The following ODAD3 variants were observed in gnomAD, a reference collection of about 807,000 sequenced individuals.
ODAD3 encodes the protein outer dynein arm-docking complex subunit 3.
ODAD3 carries 57 observed loss-of-function variants against 70.9 expected under a neutral mutation model. That is an observed-to-expected ratio of 0.80 (90% CI 0.65 to 1.00). The LOEUF is 1.00. ODAD3 is among the 50% of genes least tolerant of loss of function. The pLI is 0.00. For missense variants in ODAD3, 797 were observed against 763.9 expected, an observed-to-expected ratio of 1.04 and a Z score of -0.51; for synonymous variants, 327 against 315.9, an observed-to-expected ratio of 1.04 and a Z score of -0.37.
chr19:11,434,698 T>A (rs1568356400), intron 1 of ODAD3, 75 bp downstream of exon 1: 1 of 1,515,830 alleles, frequency 6.6e-7, no homozygotes, highest in Admixed American at 2.1e-5. Flanking sequence ...GCTGGAGAAA[T>A]ACCTTTGTCA....
intron 7 of ODAD3, among the ~76,000 whole-genome samples, chr19:11,425,289 A>ATG (rs528998105): frequency 7.1e-6 from 1 of 140,960 alleles, no homozygotes; most frequent in Non-Finnish European, 1.5e-5. Context: ...ATATGTACAT[A>ATG]TGTGTATATA....
intron 7 of ODAD3, among the ~76,000 whole-genome samples, chr19:11,425,143 GTACATA>G (rs201428818): frequency 2.4e-5 from 3 of 124,634 alleles, no homozygotes; most frequent in African/African-American, 1.2e-4. Flanking sequence ...ATGTGTATAT[GTACATA>G]TGTATATATA....
chr19:11,425,218 T>TATATAC (rs1469189937), intron 7 of ODAD3, among the ~76,000 whole-genome samples: 35 of 124,796 alleles, frequency 2.8e-4, no homozygotes, highest in Admixed American at 2.1e-3. Context: ...CATATGTGTA[T>TATATAC]ATATGTGTGT....
chr19:11,425,149 A>ATG lies in ODAD3; in HGVS notation c.963+993_963+994dup, dbSNP rs1381341733. ...TATGTGTATATGTGTATATGTACAT[A>ATG]TGTATATATACATATGTGTATATGT... On this transcript the variant is annotated intron_variant, in intron 7 of 12. Coordinates refer to ENST00000356392, the MANE Select transcript of ODAD3 (RefSeq NM_145045.5). 2.2e-3 allele frequency among the ~76,000 whole-genome samples: 262 copies of ATG among 117,824 alleles called. 17 individuals are homozygous for ATG. The highest frequency in any genetic ancestry group is 0.015 in the Admixed American group (199 of 12,994). 77.3% of individuals were successfully genotyped at this position (117,824 alleles called of 152,430 possible).
chr19:11,433,945 G>A lies in ODAD3; in HGVS notation c.244+828C>T, dbSNP rs117985305. Among the ~76,000 whole-genome samples the A allele has an allele frequency of 6.7e-3, 1,016 of 151,872 alleles. 8 individuals are homozygous for A. Among genetic ancestry groups the A allele is most frequent in the Non-Finnish European group, 0.011 (749 of 67,938 alleles). On this transcript the variant is annotated intron_variant, in intron 1 of 12. Transcript: ENST00000356392. ...CTGTCAGAAAGAAAGAAGGCTGGGCGCGGTGGCTCACACATGTAATCCCAG... is the reference window on the plus strand; with the variant it reads ...CTGTCAGAAAGAAAGAAGGCTGGGCACGGTGGCTCACACATGTAATCCCAG...
Position 11,420,708 on chromosome 19 carries a change from GC to G in ODAD3, c.*126del. ...CCCGGCCCCTTCCTCCCCTCCGGGCGCCGCTGGCCGCCTCCGTTCCCGGTCC... is the reference window on the plus strand; with the variant it reads ...CCCGGCCCCTTCCTCCCCTCCGGGCGCGCTGGCCGCCTCCGTTCCCGGTCC... On this transcript the variant is annotated 3_prime_UTR_variant, in exon 13 of 13. Transcript: ENST00000356392. 9.7e-6 allele frequency: 7 copies of G among 721,646 alleles called. No homozygotes were observed. In the South Asian group the frequency reaches 1.2e-4, roughly 12 times the overall value. The allele number at this position is 721,646 out of a possible 1,614,324, so 44.7% of individuals were successfully genotyped here. A position where few individuals can be genotyped will look rare whatever the true frequency, so the allele number is the denominator to read the frequency against.
At chr19:11,423,818 C>A in intron 8 of ODAD3, 59 bp downstream of exon 8, 2 of 1,515,644 alleles carry the variant, frequency 1.3e-6, no homozygotes, top group East Asian at 2.4e-5. Context: ...TTAGGCACCC[C>A]TGGGGCCCGT....
At chr19:11,435,664 A>G (rs779183635), upstream of ODAD3, 6 of 1,296,950 alleles carry the variant, frequency 4.6e-6, no homozygotes, top group South Asian at 4.9e-5. Flanking sequence ...CGGCTGCTGG[A>G]CAAGAGGGGT....
At chr19:11,427,883 G>A (rs1400235746) in intron 3 of ODAD3, among the ~76,000 whole-genome samples, 3 of 151,762 alleles carry the variant, frequency 2.0e-5, no homozygotes, top group Non-Finnish European at 2.9e-5. Flanking sequence ...GGTGGATCAC[G>A]AGGTCAGGAC....
rs370372097 is a variant in ODAD3, at chr19:11,430,744, G to T, written c.399C>A (p.Arg133=). The T allele has an allele frequency of 2.7e-5, 44 of 1,613,914 alleles. No individual in the cohort carries two copies. The South Asian group carries it at 4.5e-4, about 17-fold the overall frequency. Residue 133 remains arginine, a synonymous_variant, in exon 3 of 13, where the codon CGC becomes CGA. Transcript: ENST00000356392. ...GGTATGGCTTCTCCCACTTCCATTCGCGAATCACTGCCTGGACCACTTTCT... is the reference window on the plus strand; with the variant it reads ...GGTATGGCTTCTCCCACTTCCATTCTCGAATCACTGCCTGGACCACTTTCT... The part of the protein sequence containing the change: ...GDEKVVQAVI[R]EWKWEKPYLK...
At chr19:11,432,024 T>C (rs1969514434) in intron 1 of ODAD3, among the ~76,000 whole-genome samples, 2 of 150,744 alleles carry the variant, frequency 1.3e-5, no homozygotes, top group Non-Finnish European at 2.9e-5. Context: ...GGCACAATAA[T>C]TACTTGACCT....
chr19:11,425,504 T>C (rs1243763407), intron 7 of ODAD3, among the ~76,000 whole-genome samples: 2 of 144,284 alleles, frequency 1.4e-5, no homozygotes, highest in Non-Finnish European at 3.1e-5. Flanking sequence ...TATATGTATA[T>C]ATGTGTGTAT....
At chr19:11,435,772 G>A (rs931960011), upstream of ODAD3, 1 of 1,393,424 alleles carries the variant, frequency 7.2e-7, no homozygotes, top group African/African-American at 1.4e-5. Flanking sequence ...GAGGGTGCAT[G>A]TGTGGGTGTG....
At chr19:11,421,570 C>T in intron 11 of ODAD3, 107 bp downstream of exon 11, 1 of 1,409,068 alleles carries the variant, frequency 7.1e-7, no homozygotes, top group Non-Finnish European at 9.6e-7. Flanking sequence ...CCCTTCCTGG[C>T]TGATCAGCCT....
Position 11,421,682 on chromosome 19 carries a change from G to C in ODAD3, c.1585C>G (p.Arg529Gly), listed in dbSNP as rs778270617. The stretch of plus-strand genomic sequence containing the variant: ...GCCCCATGGCTGCAGGGCACCTCGC[G>C]GTTAGCGATGTGGCACAGCATCTCC... ...VQEMLCHIANREFLASLEGRL... is the reference protein window; with the variant it reads ...VQEMLCHIANGEFLASLEGRL... The change falls in exon 11 of 13, where the codon CGC becomes GGC. Residue 529 changes from arginine to glycine, a missense_variant. By Grantham distance (125) the Arg-to-Gly change is moderately radical (BLOSUM62 -2). Transcript: ENST00000356392. The C allele has an allele frequency of 1.2e-6, 2 of 1,611,960 alleles. No homozygotes were observed. Among genetic ancestry groups the C allele is most frequent in the Non-Finnish European group, 1.7e-6 (2 of 1,179,102 alleles).
At position 11,421,839 on chromosome 19, in the gene ODAD3, C is replaced by G; in HGVS notation, c.1435-7G>C. 6.2e-7 allele frequency: 1 copy of G among 1,611,434 alleles called. No individual in the cohort carries two copies. Among genetic ancestry groups the G allele is most frequent in the Non-Finnish European group, 8.5e-7 (1 of 1,179,036 alleles). The stretch of plus-strand genomic sequence containing the variant: ...CCGCGAAGCGGCCGTCCTCCTGCGG[C>G]CAGGGTAGAGCCGGGTCAGCCGAGA... On this transcript the variant is annotated splice_region_variant and splice_polypyrimidine_tract_variant and intron_variant, in intron 10 of 12. Coordinates refer to ENST00000356392, the MANE Select transcript of ODAD3 (RefSeq NM_145045.5).
chr19:11,425,208 CAT>C lies in ODAD3; in HGVS notation c.963+934_963+935del, dbSNP rs1449074953. Among the ~76,000 whole-genome samples, 93 of 112,926 alleles carry C rather than the reference CAT, an allele frequency of 8.2e-4. 5 individuals carry two copies. The highest frequency in any genetic ancestry group is 3.0e-3 in the South Asian group (10 of 3,370). 74.1% of individuals were successfully genotyped at this position (112,926 alleles called of 152,430 possible). A position where few individuals can be genotyped will look rare whatever the true frequency, so the allele number is the denominator to read the frequency against. On this transcript the variant is annotated intron_variant, in intron 7 of 12. Transcript: ENST00000356392. ...GTATATATACATATGTGTATGTGTA[CAT>C]ATGTGTATATATGTGTGTATATGTA...
At chr19:11,434,329 A>ACGCCTGTAATCCC (rs1969592516) in intron 1 of ODAD3, 1 of 153,244 alleles carries the variant, frequency 6.5e-6, no homozygotes, top group Admixed American at 6.5e-5. Context: ...TTGGGAGGTC[A>ACGCCTGTAATCCC]AGAGATTGAG....
At chr19:11,434,414 T>G in intron 1 of ODAD3, 1 of 165,894 alleles carries the variant, frequency 6.0e-6, no homozygotes, top group Non-Finnish European at 1.3e-5. Context: ...GGCGTGTGCC[T>G]GTAGTCCCAG....
Sources: allele counts gnomAD v4.1 joint callset (sites outside exome capture counted in the v4.1 genomes callset), GRCh38; gene constraint gnomAD v4.1.1; transcripts MANE v1.5; gene names NCBI Gene and HGNC (gene_info 2026-07-23, HGNC 2026-07-21).